The following ZPR1 variants were observed in gnomAD, a reference collection of about 807,000 sequenced individuals.
ZPR1 encodes ZPR1 zinc finger.
In ZPR1, 37 loss-of-function variants were observed where a neutral mutation model predicts 59.6. The ratio of observed to expected loss-of-function variants is 0.62; its 90% CI spans 0.48 to 0.82. ZPR1 has a LOEUF of 0.82. ZPR1 is among the 40% of genes least tolerant of loss of function. The probability of loss-of-function intolerance (pLI) is 0.00; values close to 1 mark genes in which losing one functional copy is unlikely to be tolerated. For synonymous variants in ZPR1, 191 were observed against 215.2 expected, an observed-to-expected ratio of 0.89 and a Z score of 0.99; for missense variants, 527 against 579.9, an observed-to-expected ratio of 0.91 and a Z score of 0.94.
rs925284397 is a variant in ZPR1, at chr11:116,777,794, AG to A, written c.*1130del. ...ACAGGAGTCACCTTTTGTTTATGAG[AG>A]GCAGGAGACTACAGTGCAAAGAACA... is the stretch of plus-strand genomic sequence containing the variant. On this transcript the variant is annotated 3_prime_UTR_variant, in exon 14 of 14. Coordinates refer to ENST00000227322, the MANE Select transcript of ZPR1 (RefSeq NM_003904.5). 4 of 152,192 alleles carry A rather than the reference AG, an allele frequency of 2.6e-5. No homozygotes were observed. Among genetic ancestry groups the A allele is most frequent in the African/African-American group, 9.6e-5 (4 of 41,452 alleles). 9.4% of individuals were successfully genotyped at this position (152,192 alleles called of 1,614,324 possible).
rs1357444618 is a variant in ZPR1 at position 116,783,004 on chromosome 11, G to A, written c.1007C>T (p.Pro336Leu). 2.5e-6 allele frequency: 4 copies of A among 1,613,980 alleles called. No homozygotes were observed. The highest frequency in any genetic ancestry group is 2.7e-5 in the African/African-American group (2 of 74,914). The part of the protein sequence containing the change: ...LKSETCSVEI[P>L]ELEFELGMAV... ...CATTCCCAGTTCAAATTCTAGCTCT[G>A]GGATTTCCACACTGCAAGTCTCAGA... Residue 336 changes from proline (P) to leucine (L), a missense_variant, in exon 11 of 14, where the codon CCA becomes CTA. Physicochemically the swap from Pro to Leu is moderately conservative, Grantham distance 98 (BLOSUM62 -3). Transcript: ENST00000227322.
Position 116,776,432 on chromosome 11 carries a change from A to C in ZPR1, c.*2493T>G, listed in dbSNP as rs971263117. The C allele has an allele frequency of 1.3e-5, 2 of 152,160 alleles. No individual in the cohort carries two copies. Among genetic ancestry groups the C allele is most frequent in the African/African-American group, 4.8e-5 (2 of 41,428 alleles). 9.4% of individuals were successfully genotyped at this position (152,160 alleles called of 1,614,324 possible). ...TGGAGGATTTTAACAGATTTTATTA[A>C]CCATGTGTCATATGCTGGGTGCTGT... On this transcript the variant is annotated 3_prime_UTR_variant, in exon 14 of 14. Transcript: ENST00000227322.
intron 2 of ZPR1, 161 bp downstream of exon 2, chr11:116,787,321 C>T: frequency 1.3e-6 from 1 of 757,610 alleles, no homozygotes; most frequent in Non-Finnish European, 2.1e-6. Context: ...AATCTTATCT[C>T]ACTTGAGCTG....
At chr11:116,787,686 TC>T (rs1940910690) in intron 1 of ZPR1, 43 bp from the exon 2 acceptor site, 2 of 1,588,278 alleles carry the variant, frequency 1.3e-6, no homozygotes, top group Non-Finnish European at 1.7e-6. Context: ...TCAATGAAAC[TC>T]CCTTTCCCCG....
intron 6 of ZPR1, 147 bp downstream of exon 6, chr11:116,785,367 G>T: frequency 7.9e-7 from 1 of 1,273,290 alleles, no homozygotes; most frequent in Non-Finnish European, 1.1e-6. Context: ...GTTTACCCAA[G>T]TCCTGGACAT....
chr11:116,776,937 G>A lies in ZPR1; in HGVS notation c.*1988C>T, dbSNP rs1940731818. The A allele has an allele frequency of 6.6e-6, 1 of 152,202 alleles. No homozygotes were observed. Among genetic ancestry groups the A allele is most frequent in the Non-Finnish European group, 1.5e-5 (1 of 68,042 alleles). 9.4% of individuals were successfully genotyped at this position (152,202 alleles called of 1,614,324 possible). A position where few individuals can be genotyped will look rare whatever the true frequency, so the allele number is the denominator to read the frequency against. ...TAGAATAGTTGCCTGTGAGAAGTTT[G>A]CCCAAAGTACTGAAGCTTTATAGTT... On this transcript the variant is annotated 3_prime_UTR_variant, in exon 14 of 14. Transcript: ENST00000227322.
intron 9 of ZPR1, 62 bp from the exon 10 acceptor site, chr11:116,783,681 G>T: frequency 7.3e-7 from 1 of 1,363,790 alleles, no homozygotes; most frequent in South Asian, 1.2e-5. Flanking sequence ...GTACCCAGGA[G>T]ACCTGGAGTG....
chr11:116,779,540 A>G (rs1445729622), intron 13 of ZPR1, among the ~76,000 whole-genome samples: 1 of 151,836 alleles, frequency 6.6e-6, no homozygotes, highest in Non-Finnish European at 1.5e-5. Context: ...TTGACTACAG[A>G]AAAAAAAGGG....
At chr11:116,785,746 A>G (rs1940876429) in intron 5 of ZPR1, 50 bp downstream of exon 5, 1 of 1,611,820 alleles carries the variant, frequency 6.2e-7, no homozygotes, top group African/African-American at 1.3e-5. Flanking sequence ...AGCAGTCTTA[A>G]TGGTCCCTCC....
rs1465911769 is a variant in ZPR1, at chr11:116,774,045, CTCA to C, written c.*4877_*4879del. ...TTCTTGAAATACCAGATCTTTTTAC[CTCA>C]TCATATATGTTAGATTGTCAGTTTT... is the stretch of plus-strand genomic sequence containing the variant. On this transcript the variant is annotated 3_prime_UTR_variant, in exon 14 of 14. Coordinates refer to ENST00000227322, the MANE Select transcript of ZPR1 (RefSeq NM_003904.5). 1 of 152,112 alleles carries C rather than the reference CTCA, an allele frequency of 6.6e-6. No homozygotes were observed. Among genetic ancestry groups the C allele is most frequent in the African/African-American group, 2.4e-5 (1 of 41,398 alleles). 9.4% of individuals were successfully genotyped at this position (152,112 alleles called of 1,614,324 possible). A position where few individuals can be genotyped will look rare whatever the true frequency, so the allele number is the denominator to read the frequency against.
chr11:116,785,411 G>A, intron 6 of ZPR1, 103 bp downstream of exon 6: 1 of 1,503,976 alleles, frequency 6.6e-7, no homozygotes, highest in Non-Finnish European at 9.0e-7. Context: ...AGCTGAGATA[G>A]GGCACACAGA....
Position 116,776,122 on chromosome 11 carries a change from T to TCA in ZPR1, c.*2801_*2802dup, listed in dbSNP as rs1202495956. The TCA allele has an allele frequency of 1.3e-5, 2 of 152,270 alleles. No homozygotes were observed. Among genetic ancestry groups the TCA allele is most frequent in the Non-Finnish European group, 2.9e-5 (2 of 68,058 alleles). 9.4% of individuals were successfully genotyped at this position (152,270 alleles called of 1,614,324 possible). ...CACTCATCATGACACAGATGTACAT[T>TCA]CAGTACCTACCTGTATGTTCGTCCA... On this transcript the variant is annotated 3_prime_UTR_variant, in exon 14 of 14. Coordinates refer to ENST00000227322, the MANE Select transcript of ZPR1 (RefSeq NM_003904.5).
Position 116,777,653 on chromosome 11 carries a change from C to T in ZPR1, c.*1272G>A, listed in dbSNP as rs1259116182. On this transcript the variant is annotated 3_prime_UTR_variant, in exon 14 of 14. Coordinates refer to ENST00000227322, the MANE Select transcript of ZPR1 (RefSeq NM_003904.5). Reference sequence around the variant, plus strand: ...CCAGCCTGGGCAACAGCGCGAGACTCTGTCTCTACCAAAAAAAAAAAAAAA... The same window carrying T: ...CCAGCCTGGGCAACAGCGCGAGACTTTGTCTCTACCAAAAAAAAAAAAAAA... 5 of 123,986 alleles carry T rather than the reference C, an allele frequency of 4.0e-5. No individual in the cohort carries two copies. Among genetic ancestry groups the T allele is most frequent in the African/African-American group, 1.6e-4 (5 of 31,530 alleles). The allele number at this position is 123,986 out of a possible 1,614,324, so 7.7% of individuals were successfully genotyped here.
chr11:116,782,303 C>A, intron 11 of ZPR1, 59 bp from the exon 12 acceptor site: 2 of 1,487,132 alleles, frequency 1.3e-6, no homozygotes, highest in Non-Finnish European at 1.9e-6. Context: ...TTAGGCCTGA[C>A]CATAAACTAG....
chr11:116,780,768 A>G (rs1244819355), intron 12 of ZPR1, among the ~76,000 whole-genome samples: 1 of 152,074 alleles, frequency 6.6e-6, no homozygotes, highest in East Asian at 1.9e-4. Context: ...CTCACCCCCT[A>G]CTCAGGTCTT....
intron 4 of ZPR1, among the ~76,000 whole-genome samples, 173 bp downstream of exon 4, chr11:116,786,338 G>C (rs1940886108): frequency 6.6e-6 from 1 of 152,166 alleles, no homozygotes; most frequent in Non-Finnish European, 1.5e-5. Context: ...TACTGAGGGA[G>C]GGAAGTGGAA....
chr11:116,777,232 C>T lies in ZPR1; in HGVS notation c.*1693G>A, dbSNP rs1209088391. On this transcript the variant is annotated 3_prime_UTR_variant, in exon 14 of 14. Transcript: ENST00000227322. The stretch of plus-strand genomic sequence containing the variant: ...AAAAGAAGGGTTAAGAAGAGATGGT[C>T]CACTATCAAATGTGACAGAAATAGA... 4 of 152,164 alleles carry T rather than the reference C, an allele frequency of 2.6e-5. No homozygotes were observed. Among genetic ancestry groups the T allele is most frequent in the Admixed American group, 6.5e-5 (1 of 15,282 alleles). The allele number at this position is 152,164 out of a possible 1,614,324, so 9.4% of individuals were successfully genotyped here.
intron 12 of ZPR1, among the ~76,000 whole-genome samples, chr11:116,781,102 A>G (rs927158675): frequency 1.3e-5 from 2 of 152,150 alleles, no homozygotes; most frequent in Non-Finnish European, 2.9e-5. Flanking sequence ...AATCTCCCAA[A>G]GAAGAACAAA....
chr11:116,779,112 C>A, intron 13 of ZPR1, 53 bp from the exon 14 acceptor site: 1 of 1,597,182 alleles, frequency 6.3e-7, no homozygotes, highest in South Asian at 1.1e-5. Flanking sequence ...CCCCTCTCTG[C>A]AGGCAGCTTC....
Sources: allele counts gnomAD v4.1 joint callset (sites outside exome capture counted in the v4.1 genomes callset), GRCh38; gene constraint gnomAD v4.1.1; transcripts MANE v1.5; gene names NCBI Gene and HGNC (gene_info 2026-07-23, HGNC 2026-07-21).